The following PHACTR2 variants were observed in gnomAD, a reference collection of about 807,000 sequenced individuals.
PHACTR2 encodes the protein chromosome 6 open reading frame 56.
PHACTR2 carries 30 observed loss-of-function variants against 76.0 expected under a neutral mutation model. That is an observed-to-expected ratio of 0.39 (90% CI 0.30 to 0.54). The LOEUF is 0.54. Among genes scored for constraint, PHACTR2 ranks in the 20% least tolerant of loss-of-function variants. The pLI is 0.61. For synonymous variants in PHACTR2, 292 were observed against 292.5 expected (o/e 1.00, Z 0.02); for missense variants, 696 against 781.1 (o/e 0.89, Z 1.30).
In PHACTR2 at chr6:143,652,914, C is replaced by A. The variant is rs1314252867; in HGVS notation, c.13+44592C>A. Among the ~76,000 whole-genome samples the A allele has an allele frequency of 1.3e-5, 2 of 152,300 alleles. No individual in the cohort carries two copies. The highest frequency in any genetic ancestry group is 3.9e-4 in the East Asian group (2 of 5,180). ...CATGGTCCCTGTGCAGGCACTGCAC[C>A]CAGCACCTTCTCAGGAACATTCACA... On this transcript the variant is annotated intron_variant, in intron 1 of 11. Coordinates refer to the PHACTR2 transcript ENST00000305766. The surrounding 1 kb of genome is among the most constrained non-coding windows in gnomAD (Gnocchi z 4.5).
Position 143,818,322 on chromosome 6 carries a change from C to CGCGTCCACTTACCAGCTGTCTCTCT in PHACTR2, c.1923-5351_1923-5327dup, listed in dbSNP as rs1562318805. ...GTTAGGAAGACAGTCTGGAGCATAGCGCGTCCACTTACCAGCTGTCTCTCT... is the reference window on the plus strand; with the variant it reads ...GTTAGGAAGACAGTCTGGAGCATAGCGCGTCCACTTACCAGCTGTCTCTCTGCGTCCACTTACCAGCTGTCTCTCT... On this transcript the variant is annotated intron_variant, in intron 12 of 12. Transcript: ENST00000440869. The surrounding 1 kb of genome is among the most constrained non-coding windows in gnomAD (Gnocchi z 4.9). 6.6e-6 allele frequency among the ~76,000 whole-genome samples: 1 copy of CGCGTCCACTTACCAGCTGTCTCTCT among 152,148 alleles called. No homozygotes were observed. Among genetic ancestry groups the CGCGTCCACTTACCAGCTGTCTCTCT allele is most frequent in the African/African-American group, 2.4e-5 (1 of 41,432 alleles).
Position 143,823,789 on chromosome 6 carries a change from T to C in PHACTR2, c.*100T>C, listed in dbSNP as rs1776478805. On this transcript the variant is annotated 3_prime_UTR_variant, in exon 13 of 13. Coordinates refer to ENST00000440869, the MANE Select transcript of PHACTR2 (RefSeq NM_001100164.2). This position sits in a 1 kb window ranked among gnomAD's most constrained non-coding sequence, Gnocchi z 5.7. ...GCACTGGGATTTGAATGTGTGTGTT[T>C]CCGTTTAACTTGTGGTGAAGGAAGT... 1 of 990,896 alleles carries C rather than the reference T, an allele frequency of 1.0e-6. No homozygotes were observed. Among genetic ancestry groups the C allele is most frequent in the East Asian group, 2.4e-5 (1 of 41,726 alleles). The allele number at this position is 990,896 out of a possible 1,614,324, so 61.4% of individuals were successfully genotyped here. A position where few individuals can be genotyped will look rare whatever the true frequency, so the allele number is the denominator to read the frequency against.
At position 143,672,407 on chromosome 6, in the gene PHACTR2, G is replaced by A. The variant is rs1479219840; in HGVS notation, c.14-39609G>A. On this transcript the variant is annotated intron_variant, in intron 1 of 11. Coordinates refer to the PHACTR2 transcript ENST00000305766. The surrounding 1 kb of genome is among the most constrained non-coding windows in gnomAD (Gnocchi z 5.8). ...GCCCAGGAGTTCAAGGCTACAGTAA[G>A]CAATGATTATACCACTGCACTCCAG... Among the ~76,000 whole-genome samples, 2 of 152,060 alleles carry A rather than the reference G, an allele frequency of 1.3e-5. No homozygotes were observed. The highest frequency in any genetic ancestry group is 2.1e-4 in the South Asian group (1 of 4,824).
At chr6:143,792,239 A>G (rs553109089) in intron 11 of PHACTR2, among the ~76,000 whole-genome samples, 1 of 152,098 alleles carries the variant, frequency 6.6e-6, no homozygotes, top group Admixed American at 6.6e-5. Flanking sequence ...ATTCTCATCA[A>G]AGTATTTTTT....
rs999282849 is a variant in PHACTR2, at chr6:143,602,767, G to A, written c.217+65560G>A. Among the ~76,000 whole-genome samples, 4 of 152,202 alleles carry A rather than the reference G, an allele frequency of 2.6e-5. No homozygotes were observed. Among genetic ancestry groups the A allele is most frequent in the African/African-American group, 9.6e-5 (4 of 41,454 alleles). ...AACTTGTCGGAAGACTGTGTCTGATGGATGTTGCCTTATGTAAGGTCCAGA... is the reference window on the plus strand; with the variant it reads ...AACTTGTCGGAAGACTGTGTCTGATAGATGTTGCCTTATGTAAGGTCCAGA... On this transcript the variant is annotated intron_variant, in intron 1 of 11. Transcript: ENST00000367584. This position sits in a 1 kb window ranked among gnomAD's most constrained non-coding sequence, Gnocchi z 6.1.
In PHACTR2 at chr6:143,659,553, T is replaced by A. The variant is rs573030292; in HGVS notation, c.13+51231T>A. ...TGGCTGTGAGTGGGAGGTTGCCCTCTGTTCCTTGTCCTTTCCATGTGGCAG... is the reference window on the plus strand; with the variant it reads ...TGGCTGTGAGTGGGAGGTTGCCCTCAGTTCCTTGTCCTTTCCATGTGGCAG... On this transcript the variant is annotated intron_variant, in intron 1 of 11. Transcript: ENST00000305766. This position sits in a 1 kb window ranked among gnomAD's most constrained non-coding sequence, Gnocchi z 5.0. Among the ~76,000 whole-genome samples the A allele has an allele frequency of 3.3e-5, 5 of 152,362 alleles. No individual in the cohort carries two copies. Among genetic ancestry groups the A allele is most frequent in the African/African-American group, 1.2e-4 (5 of 41,588 alleles).
chr6:143,681,763 A>G (rs546347133), intron 1 of PHACTR2, among the ~76,000 whole-genome samples: 149 of 152,364 alleles, frequency 9.8e-4, no homozygotes, highest in African/African-American at 3.4e-3. Flanking sequence ...ATTTTTATGT[A>G]TGGCGTCATG....
intron 12 of PHACTR2, among the ~76,000 whole-genome samples, chr6:143,813,710 G>T (rs1288206989): frequency 1.3e-5 from 2 of 151,762 alleles, no homozygotes; most frequent in Admixed American, 1.3e-4. Context: ...ATAGAGTGGG[G>T]TTATAGTAAT....
At position 143,662,206 on chromosome 6, in the gene PHACTR2, C is replaced by T. The variant is rs1281825177; in HGVS notation, c.14-49810C>T. 6.6e-6 allele frequency among the ~76,000 whole-genome samples: 1 copy of T among 152,118 alleles called. No homozygotes were observed. Among genetic ancestry groups the T allele is most frequent in the Admixed American group, 6.6e-5 (1 of 15,258 alleles). On this transcript the variant is annotated intron_variant, in intron 1 of 11. Transcript: ENST00000305766. The surrounding 1 kb of genome is among the most constrained non-coding windows in gnomAD (Gnocchi z 4.7). ...TGAAATCCATTTTATATTAAAAAGC[C>T]TCTTCAATATGCACAACTTACCCTA...
chr6:143,740,081 G>T (rs1227210745), intron 2 of PHACTR2, among the ~76,000 whole-genome samples: 5 of 152,194 alleles, frequency 3.3e-5, no homozygotes, highest in Admixed American at 3.3e-4. Context: ...AGGGCTGCTG[G>T]TTGCCGTTTT....
At position 143,700,266 on chromosome 6, in the gene PHACTR2, A is replaced by G. The variant is rs1222980757; in HGVS notation, c.47-11750A>G. On this transcript the variant is annotated intron_variant, in intron 1 of 12. Transcript: ENST00000440869. This position sits in a 1 kb window ranked among gnomAD's most constrained non-coding sequence, Gnocchi z 4.1. Reference sequence around the variant, plus strand: ...TTTAGCCCCTTACTTAAAAACTGTGATATTTCAGCCAGGCGCGGTGGCTCA... The same window carrying G: ...TTTAGCCCCTTACTTAAAAACTGTGGTATTTCAGCCAGGCGCGGTGGCTCA... 6.6e-6 allele frequency among the ~76,000 whole-genome samples: 1 copy of G among 152,154 alleles called. No homozygotes were observed. Among genetic ancestry groups the G allele is most frequent in the African/African-American group, 2.4e-5 (1 of 41,436 alleles).
In PHACTR2 at chr6:143,619,005, C is replaced by A. The variant is rs975824684; in HGVS notation, c.13+10683C>A. 2.0e-5 allele frequency among the ~76,000 whole-genome samples: 3 copies of A among 152,068 alleles called. No homozygotes were observed. Among genetic ancestry groups the A allele is most frequent in the Non-Finnish European group, 4.4e-5 (3 of 68,010 alleles). On this transcript the variant is annotated intron_variant, in intron 1 of 11. Transcript: ENST00000305766. This position sits in a 1 kb window ranked among gnomAD's most constrained non-coding sequence, Gnocchi z 4.5. The stretch of plus-strand genomic sequence containing the variant: ...AGCTGAAATCAAGCCTGAGCTGTGT[C>A]TTTTATTGTGTGCTACTACTTATAT...
At chr6:143,612,612 C>T (rs111313646) in intron 1 of PHACTR2, among the ~76,000 whole-genome samples, 2 of 6,670 alleles carry the variant, frequency 3.0e-4, no homozygotes, top group South Asian at 2.2e-3. Context: ...GTTATATATA[C>T]ACACACACAC....
At position 143,806,521 on chromosome 6, in the gene PHACTR2, T is replaced by G. The variant is rs188345426; in HGVS notation, c.1846-536T>G. Reference sequence around the variant, plus strand: ...TTGTGGTCATCGTGGGTGGGGGATGTTCCGTGTGACTCATAGACCAGACTC... The same window carrying G: ...TTGTGGTCATCGTGGGTGGGGGATGGTCCGTGTGACTCATAGACCAGACTC... On this transcript the variant is annotated intron_variant, in intron 11 of 12. Coordinates refer to ENST00000440869, the MANE Select transcript of PHACTR2 (RefSeq NM_001100164.2). The surrounding 1 kb of genome is among the most constrained non-coding windows in gnomAD (Gnocchi z 5.8). Among the ~76,000 whole-genome samples the G allele has an allele frequency of 3.3e-5, 5 of 152,268 alleles. No homozygotes were observed. The highest frequency in any genetic ancestry group is 1.2e-4 in the African/African-American group (5 of 41,536).
Position 143,549,272 on chromosome 6 carries a change from GT to G in PHACTR2, c.217+12066del, listed in dbSNP as rs1775051825. On this transcript the variant is annotated intron_variant, in intron 1 of 11. Transcript: ENST00000367584. The surrounding 1 kb of genome is among the most constrained non-coding windows in gnomAD (Gnocchi z 4.2). ...GTCTCTTCCCAAATGGAACAATATGGTAGTGAGGCCAGTTCAAACCCTTGCT... is the reference window on the plus strand; with the variant it reads ...GTCTCTTCCCAAATGGAACAATATGGAGTGAGGCCAGTTCAAACCCTTGCT... 6.6e-6 allele frequency among the ~76,000 whole-genome samples: 1 copy of G among 152,046 alleles called. No individual in the cohort carries two copies. Among genetic ancestry groups the G allele is most frequent in the Non-Finnish European group, 1.5e-5 (1 of 67,970 alleles).
chr6:143,669,460 T>C (rs895441253), intron 1 of PHACTR2, among the ~76,000 whole-genome samples: 1 of 152,222 alleles, frequency 6.6e-6, no homozygotes, highest in African/African-American at 2.4e-5. Flanking sequence ...CTGTCCAATA[T>C]TGACAGTGGG....
At chr6:143,779,211 G>A (rs957566271) in intron 9 of PHACTR2, among the ~76,000 whole-genome samples, 4 of 152,202 alleles carry the variant, frequency 2.6e-5, no homozygotes, top group Non-Finnish European at 4.4e-5. Context: ...TACTCAGCCC[G>A]TTTGTGTCTT....
rs12193494 is a variant in PHACTR2 at position 143,616,806 on chromosome 6, G to A, written c.13+8484G>A. 0.27 allele frequency among the ~76,000 whole-genome samples: 41,564 copies of A among 151,958 alleles called. 5,773 individuals are homozygous for A. Among genetic ancestry groups the A allele is most frequent in the Middle Eastern group, 0.36 (105 of 294 alleles). On this transcript the variant is annotated intron_variant, in intron 1 of 11. Coordinates refer to the PHACTR2 transcript ENST00000305766. The surrounding 1 kb of genome is among the most constrained non-coding windows in gnomAD (Gnocchi z 4.9). ...GTAGTCAGAGAAAGCTTCCTAAGGA[G>A]GTGGCATGCAGGCTGAGGCCTAAGG... is the stretch of plus-strand genomic sequence containing the variant.
upstream of PHACTR2, among the ~76,000 whole-genome samples, chr6:143,675,811 C>T (rs920213542): frequency 1.3e-5 from 2 of 152,156 alleles, no homozygotes; most frequent in Non-Finnish European, 2.9e-5. This position sits in a 1 kb window ranked among gnomAD's most constrained non-coding sequence, Gnocchi z 4.9. Flanking sequence ...ATGGGATTAA[C>T]ACCCAGAACT....
Sources: gnomAD v4.1 joint callset for allele counts (sites outside exome capture counted in the v4.1 genomes callset) on GRCh38, gnomAD v4.1.1 for gene constraint, Gnocchi (gnomAD v3.1) non-coding constraint, MANE v1.5 for transcripts, NCBI Gene and HGNC (gene_info 2026-07-23, HGNC 2026-07-21) for gene names.